Variants in NEGR1 observed in about 807,000 individuals in gnomAD.
NEGR1 encodes neuronal growth regulator 1, also known as IgLON family member 4.
A neutral mutation model predicts 40.9 loss-of-function variants in NEGR1; 10 were observed. The observed-to-expected ratio is 0.24, with a 90% confidence interval of 0.15 to 0.42. The LOEUF (loss-of-function observed/expected upper bound fraction) is 0.42. NEGR1 is among the 10% of genes least tolerant of loss of function. The probability of loss-of-function intolerance (pLI) is 1.00; values close to 1 mark genes in which losing one functional copy is unlikely to be tolerated. For missense variants in NEGR1, 352 were observed against 438.9 expected, an observed-to-expected ratio of 0.80 and a Z score of 1.77; for synonymous variants, 185 against 166.8, an observed-to-expected ratio of 1.11 and a Z score of -0.84.
intron 2 of NEGR1, among the ~76,000 whole-genome samples, chr1:71,787,051 G>C (rs1656937472): frequency 6.6e-6 from 1 of 152,184 alleles, no homozygotes; most frequent in Non-Finnish European, 1.5e-5. Context: ...AGCTTGGGAA[G>C]CACTTCAGCT....
At chr1:71,943,036 A>G (rs58703205) in intron 1 of NEGR1, among the ~76,000 whole-genome samples, 1 of 128,500 alleles carries the variant, frequency 7.8e-6, no homozygotes, top group Non-Finnish European at 1.7e-5. Context: ...ATACACACAT[A>G]CATATATATG....
At chr1:71,901,935 C>T (rs1342554639) in intron 2 of NEGR1, among the ~76,000 whole-genome samples, 1 of 151,966 alleles carries the variant, frequency 6.6e-6, no homozygotes, top group East Asian at 1.9e-4. Context: ...TCCCAAAATG[C>T]TGAGATTACA....
chr1:71,562,366 T>G (rs1265754320), intron 6 of NEGR1, among the ~76,000 whole-genome samples: 1 of 151,786 alleles, frequency 6.6e-6, no homozygotes, highest in Non-Finnish European at 1.5e-5. Flanking sequence ...AGGTATTCCT[T>G]GGTATTTTTC....
intron 1 of NEGR1, among the ~76,000 whole-genome samples, chr1:72,189,950 T>C (rs1438790673): frequency 6.6e-6 from 1 of 151,624 alleles, no homozygotes; most frequent in Admixed American, 6.6e-5. Context: ...GTGAATATCC[T>C]TTCATTTCTT....
chr1:71,502,694 C>G (rs1050607761), intron 6 of NEGR1, among the ~76,000 whole-genome samples: 1 of 152,126 alleles, frequency 6.6e-6, no homozygotes, highest in African/African-American at 2.4e-5. Context: ...GCAGCAGAGG[C>G]AACAGAAGGA....
In NEGR1 at chr1:71,900,499, C is replaced by T. The variant is rs564846752; in HGVS notation, c.409+34580G>A. Among the ~76,000 whole-genome samples the T allele has an allele frequency of 6.6e-5, 10 of 152,130 alleles. No individual in the cohort carries two copies. In the South Asian group the frequency reaches 2.1e-3, roughly 32 times the overall value. On this transcript the variant is annotated intron_variant, in intron 2 of 6. Coordinates refer to ENST00000357731, the MANE Select transcript of NEGR1 (RefSeq NM_173808.3). ...TAGTTTTTTGAAAAAAGAAATAGTT[C>T]ATTTTCATTTAATAATATTCAAATC...
chr1:72,239,028 T>A (rs1343075911), intron 1 of NEGR1, among the ~76,000 whole-genome samples: 1 of 151,904 alleles, frequency 6.6e-6, no homozygotes, highest in African/African-American at 2.4e-5. Flanking sequence ...TCTACACTCA[T>A]GGTCTTCCAA....
intron 1 of NEGR1, among the ~76,000 whole-genome samples, chr1:71,979,515 T>C (rs1272758253): frequency 3.9e-5 from 6 of 152,188 alleles, no homozygotes; most frequent in Non-Finnish European, 5.9e-5. Context: ...AACTTTCTAA[T>C]GCGGGTTAAA....
chr1:71,479,663 G>A (rs1646842238), intron 6 of NEGR1, among the ~76,000 whole-genome samples: 1 of 151,922 alleles, frequency 6.6e-6, no homozygotes. Flanking sequence ...ACCAATCCCA[G>A]TCTAATTGAG....
chr1:71,569,071 G>A (rs571859254), intron 6 of NEGR1, among the ~76,000 whole-genome samples: 211 of 151,594 alleles, frequency 1.4e-3, no homozygotes, highest in Non-Finnish European at 2.4e-3. Flanking sequence ...CACATGCCAC[G>A]ATGCCCGGCT....
At chr1:72,182,747 CTGAT>C (rs1441187490) in intron 1 of NEGR1, among the ~76,000 whole-genome samples, 1 of 149,076 alleles carries the variant, frequency 6.7e-6, no homozygotes, top group Non-Finnish European at 1.5e-5. Flanking sequence ...ATTGTATTGA[CTGAT>C]ATATATGAGT....
At chr1:71,758,786 G>A (rs1459357683) in intron 3 of NEGR1, among the ~76,000 whole-genome samples, 1 of 151,980 alleles carries the variant, frequency 6.6e-6, no homozygotes, top group Non-Finnish European at 1.5e-5. Context: ...TTAAAAAATC[G>A]TTATTAAGCT....
chr1:71,894,239 G>GA (rs201115661), intron 2 of NEGR1, among the ~76,000 whole-genome samples: 137 of 128,142 alleles, frequency 1.1e-3, no homozygotes, highest in South Asian at 1.7e-3. Flanking sequence ...AATAAAAAAA[G>GA]AAAAAAAAAA....
Position 71,886,350 on chromosome 1 carries a change from T to A in NEGR1, c.409+48729A>T, listed in dbSNP as rs977058665. ...AAACCTAAAGTTTCTATTGCATTCT[T>A]CTTCCATAGTTTTAACCTAGGTATT... On this transcript the variant is annotated intron_variant, in intron 2 of 6. Transcript: ENST00000357731. 2.6e-5 allele frequency among the ~76,000 whole-genome samples: 4 copies of A among 152,120 alleles called. No homozygotes were observed. The East Asian group carries it at 7.7e-4, about 29-fold the overall frequency.
chr1:72,229,111 T>A (rs1216553401), intron 1 of NEGR1, among the ~76,000 whole-genome samples: 1 of 152,086 alleles, frequency 6.6e-6, no homozygotes, highest in African/African-American at 2.4e-5. Context: ...TTCCGTTATA[T>A]GTAGGTTACT....
intron 1 of NEGR1, among the ~76,000 whole-genome samples, chr1:72,168,798 G>T (rs1248899443): frequency 6.6e-6 from 1 of 152,152 alleles, no homozygotes; most frequent in Non-Finnish European, 1.5e-5. Context: ...TACTCAGGAG[G>T]CTGAGGTGGG....
chr1:71,771,952 C>A (rs1284532743), intron 3 of NEGR1, among the ~76,000 whole-genome samples: 1 of 151,872 alleles, frequency 6.6e-6, no homozygotes, highest in East Asian at 1.9e-4. Flanking sequence ...TTGGATGTCA[C>A]GGTCTTAAAA....
At chr1:71,542,410 G>A (rs778207409) in intron 6 of NEGR1, among the ~76,000 whole-genome samples, 9 of 151,766 alleles carry the variant, frequency 5.9e-5, no homozygotes, top group Admixed American at 3.9e-4. Context: ...AGGCAATGCT[G>A]TTGAGAATAT....
At position 71,701,703 on chromosome 1, in the gene NEGR1, A is replaced by G. The variant is rs559774184; in HGVS notation, c.536-3564T>C. Reference sequence around the variant, plus strand: ...CATTATTCTGCATGGTTTTCTACCAATTTTCCTTAGATTTTGCAGTTCTAC... The same window carrying G: ...CATTATTCTGCATGGTTTTCTACCAGTTTTCCTTAGATTTTGCAGTTCTAC... On this transcript the variant is annotated intron_variant, in intron 3 of 6. Coordinates refer to ENST00000357731, the MANE Select transcript of NEGR1 (RefSeq NM_173808.3). Among the ~76,000 whole-genome samples, 7 of 152,110 alleles carry G rather than the reference A, an allele frequency of 4.6e-5. No individual in the cohort carries two copies. The East Asian group carries it at 1.2e-3, about 25-fold the overall frequency.
Sources: gnomAD v4.1 joint callset for allele counts (sites outside exome capture counted in the v4.1 genomes callset) on GRCh38, gnomAD v4.1.1 for gene constraint, MANE v1.5 for transcripts, NCBI Gene and HGNC (gene_info 2026-07-23, HGNC 2026-07-21) for gene names.